The following PI4KB variants were observed in gnomAD, a reference collection of about 807,000 sequenced individuals.
PI4KB encodes phosphatidylinositol 4-kinase beta, also known as PtdIns 4-kinase beta.
A neutral mutation model predicts 81.4 loss-of-function variants in PI4KB; 23 were observed. The ratio of observed to expected loss-of-function variants is 0.28; its 90% CI spans 0.20 to 0.40. The LOEUF (loss-of-function observed/expected upper bound fraction) is 0.40, where lower values mean the gene tolerates loss of function less well. Among genes scored for constraint, PI4KB ranks in the 10% least tolerant of loss-of-function variants. The pLI, the probability that PI4KB is intolerant of heterozygous loss-of-function variation, is 1.00. For synonymous variants in PI4KB, 381 were observed against 406.8 expected, an observed-to-expected ratio of 0.94 and a Z score of 0.76; for missense variants, 651 against 1,036.6, an observed-to-expected ratio of 0.63 and a Z score of 5.11.
At chr1:151,299,868 T>C (rs1695115396) in intron 8 of PI4KB, among the ~76,000 whole-genome samples, 2 of 152,016 alleles carry the variant, frequency 1.3e-5, no homozygotes. Context: ...ACAGACCAAT[T>C]TGGGAAGTTT....
intron 5 of PI4KB, 26 bp from the exon 6 acceptor site, chr1:151,303,676 A>T (rs887602114): frequency 4.8e-6 from 7 of 1,449,670 alleles, no homozygotes; most frequent in Non-Finnish European, 5.8e-6. Context: ...TGCTGGTCAG[A>T]AGTGCTAAAG....
chr1:151,320,179 G>A (rs1342110797), intron 1 of PI4KB, among the ~76,000 whole-genome samples: 1 of 152,124 alleles, frequency 6.6e-6, no homozygotes, highest in Non-Finnish European at 1.5e-5. Flanking sequence ...GACTACAGAT[G>A]CCCGCCACCA....
intron 11 of PI4KB, 96 bp downstream of exon 11, chr1:151,293,922 A>G (rs756748435): frequency 2.9e-6 from 4 of 1,402,878 alleles, no homozygotes; most frequent in South Asian, 2.6e-5. Flanking sequence ...CCCTCCCTCA[A>G]CCGAGTCTCG....
intron 6 of PI4KB, 54 bp from the exon 7 acceptor site, chr1:151,302,352 G>T: frequency 8.0e-7 from 1 of 1,243,824 alleles, no homozygotes; most frequent in Non-Finnish European, 1.2e-6. Flanking sequence ...CAAGCCCCAT[G>T]CCCAGTCTAT....
chr1:151,316,399 G>T lies in PI4KB; in HGVS notation c.83C>A (p.Ser28Tyr), dbSNP rs1301478367. The T allele has an allele frequency of 1.9e-6, 3 of 1,598,060 alleles. No individual in the cohort carries two copies. The highest frequency in any genetic ancestry group is 2.6e-6 in the Non-Finnish European group (3 of 1,171,836). The change falls in exon 2 of 12, where the codon TCC becomes TAC. Residue 28 changes from serine (S) to tyrosine (Y), a missense_variant. Coordinates refer to ENST00000368873, the MANE Select transcript of PI4KB (RefSeq NM_001369623.2). ...TSGPPGNNGG[S>Y]LLSVITEGVG... ...CCCCTCCGTGATGACACTTAGCAGGGACCCCCCATTATTCCCTGGTGGGCC... is the reference window on the plus strand; with the variant it reads ...CCCCTCCGTGATGACACTTAGCAGGTACCCCCCATTATTCCCTGGTGGGCC...
In PI4KB at chr1:151,303,372, A is replaced by C. The variant is rs1360325659; in HGVS notation, c.1520+169T>G. ...TCTTTGGTAGCCCAAGTAATTTCTC[A>C]ACCTACACCTTCATTGCCTCAAGTT... is the stretch of plus-strand genomic sequence containing the variant. On this transcript the variant is annotated intron_variant, in intron 6 of 11. Transcript: ENST00000368873. The C allele has an allele frequency of 9.5e-6, 6 of 631,514 alleles. No individual in the cohort carries two copies. In the East Asian group the frequency reaches 1.6e-4, roughly 16 times the overall value. The allele number at this position is 631,514 out of a possible 1,614,324, so 39.1% of individuals were successfully genotyped here.
rs911067967 is a variant in PI4KB at position 151,327,330 on chromosome 1, G to A, written c.-88C>T. ...TCGCGGTTGGACTGCCGACACTGCC[G>A]CCTCAGCAGCAGCGACCGCTCCCGG... is the stretch of plus-strand genomic sequence containing the variant. On this transcript the variant is annotated 5_prime_UTR_variant, in exon 1 of 12. Transcript: ENST00000368873. The A allele has an allele frequency of 7.6e-6, 3 of 394,310 alleles. No homozygotes were observed. The highest frequency in any genetic ancestry group is 6.3e-5 in the African/African-American group (3 of 47,684). 24.4% of individuals were successfully genotyped at this position (394,310 alleles called of 1,614,324 possible).
Position 151,294,054 on chromosome 1 carries a change from C to T in PI4KB, c.2233G>A (p.Asp745Asn). ...QGLIAARKHM[D>N]KVVQIVEIMQ... ...ATCTCCACGATCTGCACCACCTTGT[C>T]CATGTGTTTCCGAGCGGCAATCAGC... Residue 745 changes from aspartate to asparagine, a missense_variant, in exon 11 of 12, where the codon GAC (aspartate) becomes AAC (asparagine). Transcript: ENST00000368873. The T allele has an allele frequency of 6.2e-7, 1 of 1,614,162 alleles. No individual in the cohort carries two copies. Among genetic ancestry groups the T allele is most frequent in the Non-Finnish European group, 8.5e-7 (1 of 1,180,004 alleles).
chr1:151,294,614 A>T (rs1571128581), intron 9 of PI4KB, 73 bp from the exon 10 acceptor site: 2 of 1,436,062 alleles, frequency 1.4e-6, no homozygotes, highest in Admixed American at 1.7e-5. Flanking sequence ...AAGCAGCAAT[A>T]CACTGGCCAC....
chr1:151,304,696 C>T (rs972004204), intron 5 of PI4KB, among the ~76,000 whole-genome samples: 1 of 151,136 alleles, frequency 6.6e-6, no homozygotes, highest in African/African-American at 2.4e-5. Context: ...CACTCTGTCA[C>T]CCAGGCTGGA....
At chr1:151,293,420 A>G (rs767922682) in intron 11 of PI4KB, 36 of 1,272,950 alleles carry the variant, frequency 2.8e-5, no homozygotes, top group East Asian at 1.2e-4. Context: ...GGCCACCGTC[A>G]TCATGGGGCC....
At chr1:151,311,104 T>A (rs1696181810) in intron 2 of PI4KB, among the ~76,000 whole-genome samples, 2 of 152,294 alleles carry the variant, frequency 1.3e-5, no homozygotes, top group South Asian at 4.1e-4. Flanking sequence ...GTGTCATATG[T>A]GTCCGTGTGC....
intron 1 of PI4KB, 55 bp downstream of exon 1, chr1:151,327,216 A>ACGGGGCCCCCCCCCCCCCCC: frequency 9.7e-6 from 1 of 102,622 alleles, no homozygotes; most frequent in Non-Finnish European, 1.8e-5. Context: ...TGGGAGAGGG[A>ACGGGGCCCCCCCCCCCCCCC]CCCCCCCCCC....
chr1:151,310,998 G>A lies in PI4KB; in HGVS notation c.910-743C>T, dbSNP rs587703492. On this transcript the variant is annotated intron_variant, in intron 2 of 11. Transcript: ENST00000368873. ...TATACTACAATTTTTGATATAAGTT[G>A]GGGAGTTAGCTATATCCATCTAGAA... 1.4e-3 allele frequency among the ~76,000 whole-genome samples: 206 copies of A among 152,292 alleles called. 8 individuals are homozygous for A. The South Asian group carries it at 0.041, about 30-fold the overall frequency.
Position 151,294,142 on chromosome 1 carries a change from G to A in PI4KB, c.2149-4C>T, listed in dbSNP as rs771143820. The A allele has an allele frequency of 2.5e-6, 4 of 1,611,674 alleles. No individual in the cohort carries two copies. In the African/African-American group the frequency reaches 5.3e-5, roughly 22 times the overall value. The stretch of plus-strand genomic sequence containing the variant: ...CGCCATCCAGGCCGCCCATCACCTG[G>A]AAAGGGAAGAGAGCGTTGTGTGCAC... On this transcript the variant is annotated splice_region_variant and splice_polypyrimidine_tract_variant and intron_variant, in intron 10 of 11. Transcript: ENST00000368873.
At chr1:151,303,106 C>G (rs1442403737) in intron 6 of PI4KB, among the ~76,000 whole-genome samples, 1 of 147,884 alleles carries the variant, frequency 6.8e-6, no homozygotes, top group African/African-American at 2.5e-5. Context: ...TCACGTCATT[C>G]TCCTGCCTCA....
intron 2 of PI4KB, among the ~76,000 whole-genome samples, chr1:151,315,182 T>C (rs1341516796): frequency 6.6e-6 from 1 of 152,088 alleles, no homozygotes; most frequent in Non-Finnish European, 1.5e-5. Flanking sequence ...TTTTGCCATG[T>C]TGGCCAGGCT....
chr1:151,321,837 C>T (rs1648882523), intron 1 of PI4KB, among the ~76,000 whole-genome samples: 1 of 145,274 alleles, frequency 6.9e-6, no homozygotes, highest in South Asian at 2.2e-4. Context: ...CACACCACTG[C>T]ACTCCAGCCT....
In PI4KB at chr1:151,316,149, G is replaced by T. The variant is rs1391131655; in HGVS notation, c.333C>A (p.Gly111=). ...EDEMGAAVAS[G]TAKGARRRRQ... is the part of the protein sequence containing the mutation. ...GCCGTCTTCTTGCTCCTTTGGCTGT[G>T]CCTGAGGCCACAGCGGCCCCCATCT... Residue 111 remains glycine (G), a synonymous_variant, in exon 2 of 12, where the codon GGC becomes GGA. Coordinates refer to ENST00000368873, the MANE Select transcript of PI4KB (RefSeq NM_001369623.2). 2 of 1,614,034 alleles carry T rather than the reference G, an allele frequency of 1.2e-6. No individual in the cohort carries two copies. The highest frequency in any genetic ancestry group is 1.3e-5 in the African/African-American group (1 of 75,028).
Sources: gnomAD v4.1 joint callset for allele counts (sites outside exome capture counted in the v4.1 genomes callset) on GRCh38, gnomAD v4.1.1 for gene constraint, MANE v1.5 for transcripts, NCBI Gene and HGNC (gene_info 2026-07-23, HGNC 2026-07-21) for gene names.